The following PER3 variants were observed in gnomAD, a reference collection of about 807,000 sequenced individuals.
PER3 encodes period circadian regulator 3, also known as period circadian protein homolog 3.
Under a neutral mutation model 127.2 loss-of-function variants are expected in PER3, and 107 were observed. That is an observed-to-expected ratio of 0.84 (90% CI 0.72 to 0.99). The LOEUF is 0.99. PER3 is among the 50% of genes least tolerant of loss of function. PER3 has a pLI of 0.00. For missense variants in PER3, 1,560 were observed against 1,525.8 expected (o/e 1.02, Z -0.37); for synonymous variants, 618 against 585.8 (o/e 1.05, Z -0.79).
intron 5 of PER3, among the ~76,000 whole-genome samples, chr1:7,792,857 T>C (rs565389439): frequency 2.0e-5 from 3 of 152,350 alleles, no homozygotes; most frequent in African/African-American, 7.2e-5. Context: ...GCACGTCTGC[T>C]GTCTTAGATC....
rs2097404267 is a variant in PER3, at chr1:7,844,904, G to A, written c.*2149G>A. ...GTGGTAATAAAAATTTATATTATAG[G>A]CTTCAATGTTTTCATGAATGTTACC... is the stretch of plus-strand genomic sequence containing the variant. On this transcript the variant is annotated 3_prime_UTR_variant, in exon 22 of 22. Coordinates refer to ENST00000377532, the MANE Select transcript of PER3 (RefSeq NM_001377275.1). The A allele has an allele frequency of 6.6e-6, 1 of 152,300 alleles. No individual in the cohort carries two copies. The highest frequency in any genetic ancestry group is 2.1e-4 in the South Asian group (1 of 4,826). 9.4% of individuals were successfully genotyped at this position (152,300 alleles called of 1,614,324 possible).
At chr1:7,840,082 T>C (rs1329099688) in intron 21 of PER3, among the ~76,000 whole-genome samples, 1 of 152,198 alleles carries the variant, frequency 6.6e-6, no homozygotes, top group Admixed American at 6.5e-5. Flanking sequence ...TTTTTCTTTC[T>C]GTTCGTCGGA....
At chr1:7,828,129 T>A (rs2097311909) in intron 18 of PER3, among the ~76,000 whole-genome samples, 1 of 152,258 alleles carries the variant, frequency 6.6e-6, no homozygotes, top group Non-Finnish European at 1.5e-5. Context: ...GGTATTACGC[T>A]TAAGTGTTCA....
At chr1:7,817,103 T>C (rs2097254935) in intron 13 of PER3, among the ~76,000 whole-genome samples, 1 of 152,230 alleles carries the variant, frequency 6.6e-6, no homozygotes, top group Non-Finnish European at 1.5e-5. Flanking sequence ...AAGCGTTCTT[T>C]CTGGAATGCT....
Position 7,819,380 on chromosome 1 carries a change from C to G in PER3, c.1618C>G (p.Pro540Ala). 1 of 1,613,628 alleles carries G rather than the reference C, an allele frequency of 6.2e-7. No individual in the cohort carries two copies. Among genetic ancestry groups the G allele is most frequent in the Non-Finnish European group, 8.5e-7 (1 of 1,179,538 alleles). ...GGATTTGAGGAACGATGAGCACAGC[C>G]CATCCTATCAACAGATCAACTGTAT... Reference protein sequence around the residue: ...CEDLRNDEHSPSYQQINCIDS... With the variant: ...CEDLRNDEHSASYQQINCIDS... The change falls in exon 14 of 22, where the codon CCA becomes GCA. Residue 540 changes from proline to alanine, a missense_variant. Coordinates refer to ENST00000377532, the MANE Select transcript of PER3 (RefSeq NM_001377275.1).
At chr1:7,836,772 C>CT in intron 20 of PER3, 1 of 372,920 alleles carries the variant, frequency 2.7e-6, no homozygotes, top group South Asian at 6.7e-5. Flanking sequence ...AGGGAAATCT[C>CT]TTTCTTCCAT....
At chr1:7,795,100 G>A (rs370138371) in intron 6 of PER3, among the ~76,000 whole-genome samples, 1 of 152,084 alleles carries the variant, frequency 6.6e-6, no homozygotes, top group Non-Finnish European at 1.5e-5. Flanking sequence ...TGGATGCTTG[G>A]GGGGGACGGC....
intron 5 of PER3, among the ~76,000 whole-genome samples, chr1:7,790,086 C>A (rs1392692465): frequency 1.3e-5 from 2 of 152,156 alleles, no homozygotes; most frequent in Non-Finnish European, 1.5e-5. Flanking sequence ...CCCATTTTTT[C>A]CCCAGGTATT....
intron 13 of PER3, among the ~76,000 whole-genome samples, chr1:7,812,624 CAAAAAA>C (rs35962033): frequency 0.23 from 19,952 of 85,314 alleles, 1,891 homozygotes; most frequent in South Asian, 0.4. Flanking sequence ...GACTCCGTCT[CAAAAAA>C]AAAAAAAAAA....
In PER3 at chr1:7,839,697, A is replaced by T. The variant is rs183871766; in HGVS notation, c.3549+2548A>T. 1.7e-4 allele frequency among the ~76,000 whole-genome samples: 26 copies of T among 152,326 alleles called. No homozygotes were observed. The East Asian group carries it at 4.8e-3, about 28-fold the overall frequency. ...TTTTTTTTCTTTAAGCACTTTGAAT[A>T]CACTGGGACACTGCCCTCTGGCCTC... On this transcript the variant is annotated intron_variant, in intron 21 of 21. Coordinates refer to ENST00000377532, the MANE Select transcript of PER3 (RefSeq NM_001377275.1).
intron 6 of PER3, among the ~76,000 whole-genome samples, chr1:7,797,496 G>A (rs369816514): frequency 3.3e-5 from 5 of 152,082 alleles, no homozygotes; most frequent in African/African-American, 7.2e-5. Context: ...TCATCTGGGC[G>A]TGGTGGCACG....
At position 7,794,269 on chromosome 1, in the gene PER3, CG is replaced by C. The variant is rs1474275437; in HGVS notation, c.644+263del. On this transcript the variant is annotated intron_variant, in intron 6 of 21. Transcript: ENST00000377532. Reference sequence around the variant, plus strand: ...TTTGAGAGGCAGAGGCGGAGGCGGGCGGATCACAAGGTCAAGGGGTCGAGAA... The same window carrying C: ...TTTGAGAGGCAGAGGCGGAGGCGGGCGATCACAAGGTCAAGGGGTCGAGAA... 3.3e-5 allele frequency among the ~76,000 whole-genome samples: 5 copies of C among 152,048 alleles called. No individual in the cohort carries two copies. The East Asian group carries it at 9.7e-4, about 29-fold the overall frequency.
At chr1:7,797,536 G>A (rs2097150943) in intron 6 of PER3, among the ~76,000 whole-genome samples, 1 of 152,014 alleles carries the variant, frequency 6.6e-6, no homozygotes, top group Non-Finnish European at 1.5e-5. Context: ...TCGGGAGGCT[G>A]AGGCAGGAGA....
At chr1:7,786,591 A>G (rs1340154071) in intron 3 of PER3, 130 bp from the exon 4 acceptor site, 1 of 559,830 alleles carries the variant, frequency 1.8e-6, no homozygotes, top group Non-Finnish European at 3.3e-6. Flanking sequence ...GCAGAAAATG[A>G]TCTGTTTTTG....
intron 3 of PER3, 26 bp downstream of exon 3, chr1:7,785,612 T>A: frequency 6.2e-7 from 1 of 1,602,718 alleles, no homozygotes. Flanking sequence ...AGAAATTTCA[T>A]CCTACGAATG....
chr1:7,841,124 A>G (rs2097385295), intron 21 of PER3, among the ~76,000 whole-genome samples: 1 of 152,210 alleles, frequency 6.6e-6, no homozygotes, highest in Non-Finnish European at 1.5e-5. Flanking sequence ...TTAATGAGCT[A>G]AAAAATAATA....
At chr1:7,828,983 G>A (rs1433235824) in intron 18 of PER3, among the ~76,000 whole-genome samples, 1 of 152,180 alleles carries the variant, frequency 6.6e-6, no homozygotes, top group East Asian at 1.9e-4. Context: ...AGCAGGTACT[G>A]AGAAAGTAGT....
At chr1:7,799,869 A>C (rs1156275326) in intron 7 of PER3, among the ~76,000 whole-genome samples, 2 of 151,546 alleles carry the variant, frequency 1.3e-5, no homozygotes, top group Non-Finnish European at 2.9e-5. Context: ...CCTGGGCTTC[A>C]GTGATCCTCC....
At chr1:7,796,707 G>A (rs1375055439) in intron 6 of PER3, among the ~76,000 whole-genome samples, 1 of 152,152 alleles carries the variant, frequency 6.6e-6, no homozygotes, top group African/African-American at 2.4e-5. Context: ...GGCAGTTAGA[G>A]GCTGTTACAG....
Sources: allele counts gnomAD v4.1 joint callset (sites outside exome capture counted in the v4.1 genomes callset), GRCh38; gene constraint gnomAD v4.1.1; transcripts MANE v1.5; gene names NCBI Gene and HGNC (gene_info 2026-07-23, HGNC 2026-07-21).